Variants in NPHP1 observed in about 807,000 individuals in gnomAD.
The protein encoded by NPHP1 is nephrocystin-1.
NPHP1 carries 70 observed loss-of-function variants against 90.4 expected under a neutral mutation model. That is an observed-to-expected ratio of 0.77 (90% confidence interval 0.64 to 0.95). The LOEUF is 0.95. NPHP1 is among the 40% of genes least tolerant of loss of function. NPHP1 has a pLI of 0.00. For synonymous variants in NPHP1, 256 were observed against 271.7 expected (o/e 0.94, Z 0.57); for missense variants, 764 against 795.9 (o/e 0.96, Z 0.48).
At chr2:110,153,365 A>G (rs1681633804) in intron 11 of NPHP1, among the ~76,000 whole-genome samples, 1 of 152,206 alleles carries the variant, frequency 6.6e-6, no homozygotes, top group African/African-American at 2.4e-5. Flanking sequence ...ATCAGGAAGA[A>G]AGAATAAACA....
intron 16 of NPHP1, among the ~76,000 whole-genome samples, chr2:110,141,710 A>G (rs1180506245): frequency 6.6e-6 from 1 of 152,018 alleles, no homozygotes; most frequent in African/African-American, 2.4e-5. Flanking sequence ...CGGTGGCTCA[A>G]GCCTGTAATC....
intron 2 of NPHP1, chr2:110,184,758 C>A (rs1203371259): frequency 4.2e-6 from 3 of 714,716 alleles, no homozygotes; most frequent in Non-Finnish European, 7.9e-6. Context: ...TCCATAAACC[C>A]CCAGAAGGAA....
chr2:110,154,826 G>A (rs962524464), intron 11 of NPHP1, among the ~76,000 whole-genome samples: 1 of 152,108 alleles, frequency 6.6e-6, no homozygotes, highest in Non-Finnish European at 1.5e-5. Flanking sequence ...GAGCATAAAG[G>A]TTTGGAAAGT....
chr2:110,184,502 C>T, intron 2 of NPHP1: 1 of 1,067,756 alleles, frequency 9.4e-7, no homozygotes, highest in Non-Finnish European at 1.4e-6. Context: ...GCCTTTATGC[C>T]ACAGGCAGGA....
chr2:110,159,825 T>A (rs997053318), intron 11 of NPHP1, among the ~76,000 whole-genome samples: 2 of 152,066 alleles, frequency 1.3e-5, no homozygotes, highest in African/African-American at 4.8e-5. Context: ...ACTTTCTACT[T>A]TCTTCAGGTT....
At chr2:110,204,205 C>T (rs1685762780) in intron 1 of NPHP1, among the ~76,000 whole-genome samples, 1 of 152,168 alleles carries the variant, frequency 6.6e-6, no homozygotes, top group Non-Finnish European at 1.5e-5. Flanking sequence ...GCTGTACAAG[C>T]ACCTTATACA....
Position 110,129,270 on chromosome 2 carries a change from A to G in NPHP1, c.1643-11T>C. 1 of 1,604,860 alleles carries G rather than the reference A, an allele frequency of 6.2e-7. No individual in the cohort carries two copies. The highest frequency in any genetic ancestry group is 1.1e-5 in the South Asian group (1 of 90,664). ...GATGGCTAATTAAATCTGAAATGCA[A>G]AACAACAGAAAGAATTTTATGCAAA... On this transcript the variant is annotated splice_polypyrimidine_tract_variant and intron_variant, in intron 17 of 19. Coordinates refer to ENST00000445609, the MANE Select transcript of NPHP1 (RefSeq NM_001128178.3).
chr2:110,193,239 A>C (rs1192561767), intron 2 of NPHP1, among the ~76,000 whole-genome samples: 1 of 152,186 alleles, frequency 6.6e-6, no homozygotes, highest in Non-Finnish European at 1.5e-5. Flanking sequence ...AAGGCCCATC[A>C]GTGTGTTGTA....
intron 4 of NPHP1, among the ~76,000 whole-genome samples, chr2:110,173,834 G>C (rs1242724900): frequency 6.6e-6 from 1 of 151,986 alleles, no homozygotes; most frequent in Non-Finnish European, 1.5e-5. Flanking sequence ...CGGTGGTTAA[G>C]GATTGTGAAT....
Position 110,150,146 on chromosome 2 carries a change from A to G in NPHP1, c.1158+36T>C, listed in dbSNP as rs770213561. Reference sequence around the variant, plus strand: ...GAAATATGAATATGTTCTACTTTGAAATTCACTCACTCCACTCATTCAGCA... The same window carrying G: ...GAAATATGAATATGTTCTACTTTGAGATTCACTCACTCCACTCATTCAGCA... On this transcript the variant is annotated intron_variant, in intron 12 of 19. Coordinates refer to ENST00000445609, the MANE Select transcript of NPHP1 (RefSeq NM_001128178.3). The G allele has an allele frequency of 6.2e-6, 9 of 1,461,660 alleles. No individual in the cohort carries two copies. The South Asian group carries it at 1.0e-4, about 17-fold the overall frequency. The allele number at this position is 1,461,660 out of a possible 1,614,324, so 90.5% of individuals were successfully genotyped here. A position where few individuals can be genotyped will look rare whatever the true frequency, so the allele number is the denominator to read the frequency against.
intron 19 of NPHP1, chr2:110,124,692 G>A: frequency 5.8e-6 from 1 of 171,722 alleles, no homozygotes; most frequent in South Asian, 1.5e-4. Context: ...GCTGTCCACA[G>A]GCAGCAGAGT....
chr2:110,161,767 T>G, intron 9 of NPHP1, 70 bp from the exon 10 acceptor site: 1 of 1,150,494 alleles, frequency 8.7e-7, no homozygotes, highest in African/African-American at 1.5e-5. Flanking sequence ...CATAATGTTA[T>G]GCTATGAACT....
At chr2:110,152,412 G>C (rs1170634993) in intron 11 of NPHP1, among the ~76,000 whole-genome samples, 1 of 151,796 alleles carries the variant, frequency 6.6e-6, no homozygotes, top group Non-Finnish European at 1.5e-5. Flanking sequence ...ATACCCAAAA[G>C]TAAGATAAAT....
At chr2:110,165,571 A>C (rs560715726) in intron 6 of NPHP1, among the ~76,000 whole-genome samples, 175 of 152,256 alleles carry the variant, frequency 1.1e-3, no homozygotes, top group African/African-American at 2.9e-3. Context: ...ATACAAAATC[A>C]AAAATCATAA....
chr2:110,160,227 A>G lies in NPHP1; in HGVS notation c.983T>C (p.Leu328Ser). The part of the protein sequence containing the change: ...TIRSRPSRIS[L>S]ILTLWSCKMI... ...TTTACAGCTCCATAATGTCAGAATC[A>G]ATGAAATACGACTTGGTCTCGACCT... Residue 328 changes from leucine to serine, a missense_variant, in exon 11 of 20, where the codon TTG becomes TCG. Coordinates refer to ENST00000445609, the MANE Select transcript of NPHP1 (RefSeq NM_001128178.3). The G allele has an allele frequency of 1.2e-6, 2 of 1,611,810 alleles. No individual in the cohort carries two copies. Among genetic ancestry groups the G allele is most frequent in the South Asian group, 2.2e-5 (2 of 91,024 alleles).
intron 1 of NPHP1, among the ~76,000 whole-genome samples, chr2:110,202,731 C>T (rs1685653804): frequency 6.6e-6 from 1 of 152,136 alleles, no homozygotes; most frequent in Admixed American, 6.5e-5. Context: ...GGTACCATCT[C>T]ACACTGGTCA....
rs1380431270 is a variant in NPHP1, at chr2:110,147,945, A to G, written c.1240T>C (p.Phe414Leu). 1.9e-6 allele frequency: 3 copies of G among 1,604,708 alleles called. 1 individual carries two copies. The highest frequency in any genetic ancestry group is 2.2e-5 in the East Asian group (1 of 44,822). ...CGAATATAAGAAATTCCAAGTTCAA[A>G]TAATATTCCAAGATCTGGAGATGCA... ...NSASPDLGIL[F>L]ELGISYIRNS... Residue 414 changes from phenylalanine to leucine, a missense_variant, in exon 13 of 20, where the codon TTT (phenylalanine) becomes CTT (leucine). Phe to Leu is a conservative substitution (Grantham distance 22). Coordinates refer to ENST00000445609, the MANE Select transcript of NPHP1 (RefSeq NM_001128178.3).
Position 110,157,027 on chromosome 2 carries a change from G to A in NPHP1, c.1083+3100C>T, listed in dbSNP as rs1169046023. Among the ~76,000 whole-genome samples the A allele has an allele frequency of 9.2e-5, 14 of 151,922 alleles. No individual in the cohort carries two copies. The East Asian group carries it at 1.4e-3, about 15-fold the overall frequency. On this transcript the variant is annotated intron_variant, in intron 11 of 19. Transcript: ENST00000445609. The stretch of plus-strand genomic sequence containing the variant: ...CTTGACCATGTGCTCTGCCCGCCTC[G>A]GCCTCCCAAAGTGCGGGGATTACAG...
intron 4 of NPHP1, chr2:110,178,127 T>A: frequency 2.2e-6 from 1 of 461,750 alleles, no homozygotes; most frequent in South Asian, 3.6e-5. Context: ...CACATCAACA[T>A]TGACATTAAA....
Sources: gnomAD v4.1 joint callset for allele counts (sites outside exome capture counted in the v4.1 genomes callset) on GRCh38, gnomAD v4.1.1 for gene constraint, MANE v1.5 for transcripts, NCBI Gene and HGNC (gene_info 2026-07-23, HGNC 2026-07-21) for gene names.